Variants in WDR62 observed in about 807,000 individuals in gnomAD.
WDR62 encodes the protein WD repeat domain 62.
Under a neutral mutation model 160.6 loss-of-function variants are expected in WDR62, and 112 were observed. The observed-to-expected ratio is 0.70, with a 90% CI of 0.60 to 0.82. The LOEUF (loss-of-function observed/expected upper bound fraction) is 0.82, where lower values mean the gene tolerates loss of function less well. WDR62 is among the 40% of genes least tolerant of loss of function. The pLI is 0.00. For synonymous variants in WDR62, 792 were observed against 815.1 expected (o/e 0.97, Z 0.48); for missense variants, 1,819 against 1,983.8 (o/e 0.92, Z 1.58).
chr19:36,069,195 G>T (rs571165668), intron 7 of WDR62, among the ~76,000 whole-genome samples: 1 of 146,036 alleles, frequency 6.8e-6, no homozygotes, highest in East Asian at 1.9e-4. Flanking sequence ...CCTCCGGGAC[G>T]GGGCGGCTGC....
intron 16 of WDR62, among the ~76,000 whole-genome samples, chr19:36,090,907 G>A (rs1476668430): frequency 6.6e-6 from 1 of 152,250 alleles, no homozygotes; most frequent in African/African-American, 2.4e-5. Context: ...CAGGCTGACT[G>A]TGTGACCTTG....
At chr19:36,101,445 C>T in intron 24 of WDR62, 128 bp downstream of exon 24, 3 of 931,654 alleles carry the variant, frequency 3.2e-6, no homozygotes, top group Non-Finnish European at 5.1e-6. Context: ...CATGTGGTCC[C>T]TGCTGCTGCC....
Position 36,067,859 on chromosome 19 carries a change from C to G in WDR62, c.731C>G (p.Ser244Trp). Residue 244 changes from serine (S) to tryptophan (W), a missense_variant, in exon 7 of 32, where the codon TCG becomes TGG. Coordinates refer to ENST00000401500, the MANE Select transcript of WDR62 (RefSeq NM_001083961.2). ...AGCACAGTGCCCCTTGTAGGGCGCT[C>G]GGGCATCCTGGGCGAGCTGCACAAC... ...VTSTVPLVGR[S>W]GILGELHNNI... 1.2e-6 allele frequency: 2 copies of G among 1,614,198 alleles called. No individual in the cohort carries two copies. Among genetic ancestry groups the G allele is most frequent in the Non-Finnish European group, 1.7e-6 (2 of 1,180,038 alleles).
intron 26 of WDR62, chr19:36,102,400 A>G (rs573601143): frequency 4.9e-6 from 3 of 607,004 alleles, no homozygotes; most frequent in Admixed American, 2.8e-5. Flanking sequence ...AGCTGGGATT[A>G]TAGGCATCCA....
chr19:36,102,360 A>G, intron 26 of WDR62: 1 of 685,150 alleles, frequency 1.5e-6, no homozygotes, highest in Non-Finnish European at 2.5e-6. Context: ...TCCCTGGTTC[A>G]AGCAATTCTC....
intron 20 of WDR62, among the ~76,000 whole-genome samples, chr19:36,096,803 T>G (rs1972993043): frequency 6.6e-6 from 1 of 152,136 alleles, no homozygotes. Context: ...GTCCCCACAC[T>G]TTTCCTGCCA....
downstream of WDR62, among the ~76,000 whole-genome samples, chr19:36,110,034 C>A (rs1973780591): frequency 6.6e-6 from 1 of 151,538 alleles, no homozygotes; most frequent in Non-Finnish European, 1.5e-5. Flanking sequence ...CCAGCCTGGG[C>A]AACGAGCAAA....
At chr19:36,078,414 C>T (rs922708341) in intron 9 of WDR62, among the ~76,000 whole-genome samples, 2 of 151,936 alleles carry the variant, frequency 1.3e-5, no homozygotes, top group Non-Finnish European at 2.9e-5. Context: ...TCCCAAAGTG[C>T]AGGGATTACA....
In WDR62 at chr19:36,101,637, G is replaced by A. The variant is rs1257449585; in HGVS notation, c.2972-27G>A. 6 of 1,513,964 alleles carry A rather than the reference G, an allele frequency of 4.0e-6. No individual in the cohort carries two copies. In the South Asian group the frequency reaches 7.2e-5, roughly 18 times the overall value. The allele number at this position is 1,513,964 out of a possible 1,614,324, so 93.8% of individuals were successfully genotyped here. ...GCTCACCAGAATGGTCAGGCTGTGG[G>A]CTCCTGACCCCGACTCTGTCCTTCA... On this transcript the variant is annotated intron_variant, in intron 24 of 31. Transcript: ENST00000401500.
the WDR62 span, among the ~76,000 whole-genome samples, chr19:36,110,651 G>A: frequency 4.3e-4 from 65 of 152,124 alleles, no homozygotes; most frequent in Non-Finnish European, 8.4e-4. Flanking sequence ...AGATCAGAGA[G>A]GTGGGGCATC....
Position 36,102,114 on chromosome 19 carries a change from C to A in WDR62, c.3183C>A (p.Arg1061=), listed in dbSNP as rs1973390270. 6.2e-7 allele frequency: 1 copy of A among 1,614,156 alleles called. No homozygotes were observed. ...CTCCGGAGCAGGAGAAGTTCCTCCG[C>A]CACCACTTTGAGACACTGACTGAGT... ...PQTPEQEKFL[R]HHFETLTESP... The change falls in exon 26 of 32, where the codon CGC becomes CGA. Residue 1061 remains arginine, a synonymous_variant. Transcript: ENST00000401500.
chr19:36,091,942 C>T (rs930526721), intron 18 of WDR62, among the ~76,000 whole-genome samples: 1 of 151,816 alleles, frequency 6.6e-6, no homozygotes, highest in Non-Finnish European at 1.5e-5. Context: ...TTCTTGTCAC[C>T]TTGAGCAGGT....
chr19:36,085,981 C>T (rs539821638), intron 12 of WDR62, among the ~76,000 whole-genome samples: 15 of 152,196 alleles, frequency 9.9e-5, no homozygotes, highest in African/African-American at 3.4e-4. Flanking sequence ...CCATGCCCGG[C>T]TCCTCAAGAT....
chr19:36,093,449 G>A (rs182401357), intron 19 of WDR62, among the ~76,000 whole-genome samples: 2 of 152,174 alleles, frequency 1.3e-5, no homozygotes, highest in African/African-American at 2.4e-5. Context: ...TTTGGTTTGG[G>A]TATTGCTCAT....
intron 1 of WDR62, among the ~76,000 whole-genome samples, chr19:36,056,223 G>A (rs1228067546): frequency 6.6e-6 from 1 of 152,126 alleles, no homozygotes; most frequent in African/African-American, 2.4e-5. Context: ...AATTTTAATT[G>A]TGATCTTCTT....
intron 13 of WDR62, 147 bp from the exon 14 acceptor site, chr19:36,088,891 A>T: frequency 2.3e-6 from 2 of 865,864 alleles, no homozygotes; most frequent in Non-Finnish European, 3.7e-6. Context: ...ACAGAGTCCC[A>T]CCCAGACCCA....
rs1385282350 is a variant in WDR62, at chr19:36,102,676, C to T, written c.3221-61C>T. 3.9e-6 allele frequency: 6 copies of T among 1,524,478 alleles called. No homozygotes were observed. In the Admixed American group the frequency reaches 8.4e-5, roughly 21 times the overall value. 94.4% of individuals were successfully genotyped at this position (1,524,478 alleles called of 1,614,324 possible). ...AGTGCCCCGCTGGGCTGTGGGCTGG[C>T]CTAGGGCCAGGGCTGCTCGGCGGGA... On this transcript the variant is annotated intron_variant, in intron 26 of 31. Coordinates refer to ENST00000401500, the MANE Select transcript of WDR62 (RefSeq NM_001083961.2).
chr19:36,103,305 CTG>C, intron 29 of WDR62, 36 bp from the exon 30 acceptor site: 1 of 1,613,008 alleles, frequency 6.2e-7, no homozygotes, highest in South Asian at 1.1e-5. Context: ...GCCATCAGTT[CTG>C]TGTGGTGGAG....
intron 3 of WDR62, among the ~76,000 whole-genome samples, chr19:36,064,601 G>A (rs1970838042): frequency 7.5e-6 from 1 of 133,692 alleles, no homozygotes; most frequent in Admixed American, 7.5e-5. Flanking sequence ...TTCTCTAGAC[G>A]GAGTCTTGGT....
Sources: allele counts gnomAD v4.1 joint callset (sites outside exome capture counted in the v4.1 genomes callset), GRCh38; gene constraint gnomAD v4.1.1; transcripts MANE v1.5; gene names NCBI Gene and HGNC (gene_info 2026-07-23, HGNC 2026-07-21).